DYRK1A: variants seen among roughly 807,000 people sequenced by gnomAD.
DYRK1A encodes the protein dual specificity tyrosine phosphorylation regulated kinase 1A, also known as dual specificity tyrosine-phosphorylation-regulated kinase 1A.
In DYRK1A, 9 loss-of-function variants were observed where a neutral mutation model predicts 79.7. That is an observed-to-expected ratio of 0.11 (90% CI 0.07 to 0.20). The LOEUF is 0.20. Among genes scored for constraint, DYRK1A ranks in the 10% least tolerant of loss-of-function variants. DYRK1A has a pLI of 1.00. For synonymous variants in DYRK1A, 349 were observed against 329.7 expected (o/e 1.06, Z -0.63); for missense variants, 622 against 956.0 (o/e 0.65, Z 4.61).
At chr21:37,419,447 C>T (rs2050421558) in intron 1 of DYRK1A, 1 of 152,162 alleles carries the variant, frequency 6.6e-6, no homozygotes, top group African/African-American at 2.4e-5. Context: ...CCCCAGTGCC[C>T]TTGACCAGGA....
Position 37,506,159 on chromosome 21 carries a change from G to C in DYRK1A, c.1580G>C (p.Arg527Pro). 6.2e-7 allele frequency: 1 copy of C among 1,614,146 alleles called. No homozygotes were observed. Among genetic ancestry groups the C allele is most frequent in the Non-Finnish European group, 8.5e-7 (1 of 1,180,004 alleles). ...RARSDPTHQHRHSGGHFTAAV... is the reference protein window; with the variant it reads ...RARSDPTHQHPHSGGHFTAAV... ...CGGTCGGATCCGACGCACCAGCATC[G>C]GCACAGTGGTGGGCACTTCACAGCT... The change falls in exon 11 of 12, where the codon CGG becomes CCG. Residue 527 changes from arginine (R) to proline (P), a missense_variant. By Grantham distance (103) the Arg-to-Pro change is moderately radical. Coordinates refer to ENST00000647188, the MANE Select transcript of DYRK1A (RefSeq NM_001347721.2).
chr21:37,392,623 C>CTTAA (rs2049891984), intron 1 of DYRK1A, among the ~76,000 whole-genome samples: 2 of 152,214 alleles, frequency 1.3e-5, no homozygotes, highest in Non-Finnish European at 2.9e-5. Context: ...CTTCCTTTAA[C>CTTAA]CTCTTTTACA....
At chr21:37,491,910 A>G (rs969941473) in intron 7 of DYRK1A, among the ~76,000 whole-genome samples, 1 of 152,222 alleles carries the variant, frequency 6.6e-6, no homozygotes, top group African/African-American at 2.4e-5. Context: ...TCACATGGGA[A>G]GTTATTTCTA....
At chr21:37,466,872 A>G (rs1475691252) in intron 2 of DYRK1A, among the ~76,000 whole-genome samples, 1 of 152,258 alleles carries the variant, frequency 6.6e-6, no homozygotes, top group Middle Eastern at 3.4e-3. Context: ...GACCATGAAG[A>G]AAGAGAAGAC....
At chr21:37,391,737 T>C (rs1324018769) in intron 1 of DYRK1A, among the ~76,000 whole-genome samples, 3 of 152,228 alleles carry the variant, frequency 2.0e-5, no homozygotes, top group Non-Finnish European at 4.4e-5. Flanking sequence ...CTAGTTTATC[T>C]TTCCGTTTTC....
Position 37,521,075 on chromosome 21 carries a change from T to C in DYRK1A, c.*8544T>C, listed in dbSNP as rs1158388644. 1 of 152,222 alleles carries C rather than the reference T, an allele frequency of 6.6e-6. No homozygotes were observed. Among genetic ancestry groups the C allele is most frequent in the Non-Finnish European group, 1.5e-5 (1 of 68,052 alleles). 9.4% of individuals were successfully genotyped at this position (152,222 alleles called of 1,614,324 possible). Reference sequence around the variant, plus strand: ...AATGACAGCTACTTAACATCTTCTGTAGTCTTGAAGAATTCAGATGAGGAG... The same window carrying C: ...AATGACAGCTACTTAACATCTTCTGCAGTCTTGAAGAATTCAGATGAGGAG... On this transcript the variant is annotated 3_prime_UTR_variant, in exon 12 of 12. Transcript: ENST00000647188.
chr21:37,381,149 T>C (rs1382389754), intron 1 of DYRK1A, among the ~76,000 whole-genome samples: 3 of 152,232 alleles, frequency 2.0e-5, no homozygotes. Flanking sequence ...TAAACATTTG[T>C]TGAATGAATC....
At chr21:37,502,453 T>A (rs1446156808) in intron 9 of DYRK1A, 1 of 152,200 alleles carries the variant, frequency 6.6e-6, no homozygotes, top group Non-Finnish European at 1.5e-5. Context: ...CCTTTTATAA[T>A]ATGCACGTTT....
Position 37,512,463 on chromosome 21 carries a change from G to A in DYRK1A, c.2197G>A (p.Gly733Arg). The change falls in exon 12 of 12, where the codon GGG (glycine) becomes AGG (arginine). Residue 733 changes from glycine to arginine, a missense_variant. By Grantham distance (125) the Gly-to-Arg change is moderately radical. This residue lies in a region of DYRK1A where 292 missense variants were observed against 316.7 expected (regional missense o/e 0.92). Coordinates refer to ENST00000647188, the MANE Select transcript of DYRK1A (RefSeq NM_001347721.2). ...TGAAGGACATCTGACAATGAGGCAAGGGGCTGATAGAGAAGAGTCCCCCAT... is the reference window on the plus strand; with the variant it reads ...TGAAGGACATCTGACAATGAGGCAAAGGGCTGATAGAGAAGAGTCCCCCAT... ...MTEGHLTMRQGADREESPMTG... is the reference protein window; with the variant it reads ...MTEGHLTMRQRADREESPMTG... 6.2e-7 allele frequency: 1 copy of A among 1,614,244 alleles called. No individual in the cohort carries two copies. The highest frequency in any genetic ancestry group is 8.5e-7 in the Non-Finnish European group (1 of 1,180,052).
At chr21:37,388,935 C>T (rs778889119) in intron 1 of DYRK1A, among the ~76,000 whole-genome samples, 8 of 151,074 alleles carry the variant, frequency 5.3e-5, no homozygotes, top group South Asian at 4.2e-4. Flanking sequence ...TGAGCCACTG[C>T]GCCCAGCCAA....
intron 1 of DYRK1A, among the ~76,000 whole-genome samples, chr21:37,408,175 A>G (rs1024067934): frequency 2.0e-4 from 30 of 152,346 alleles, no homozygotes; most frequent in Non-Finnish European, 4.3e-4. Context: ...GTATGTTTGT[A>G]AGCTCTCTTG....
chr21:37,392,059 C>T (rs148380436), intron 1 of DYRK1A, among the ~76,000 whole-genome samples: 108 of 152,262 alleles, frequency 7.1e-4, no homozygotes, highest in African/African-American at 2.1e-3. Flanking sequence ...GAGTAAATTG[C>T]CCAAGGTTAC....
At chr21:37,467,414 A>G (rs1379988060) in intron 2 of DYRK1A, among the ~76,000 whole-genome samples, 1 of 152,180 alleles carries the variant, frequency 6.6e-6, no homozygotes, top group Non-Finnish European at 1.5e-5. Flanking sequence ...ATTTTTTTGT[A>G]GAGATGGGGT....
intron 1 of DYRK1A, among the ~76,000 whole-genome samples, chr21:37,407,866 A>C (rs552122532): frequency 3.3e-5 from 5 of 152,180 alleles, no homozygotes; most frequent in Admixed American, 3.3e-4. Context: ...ATCTGTCTCT[A>C]TTGCCCAGCT....
chr21:37,469,987 T>TA (rs1251573694), intron 2 of DYRK1A, among the ~76,000 whole-genome samples: 1 of 152,016 alleles, frequency 6.6e-6, no homozygotes, highest in Admixed American at 6.5e-5. Flanking sequence ...CTACTAAAAA[T>TA]ACAAAAAATT....
chr21:37,496,024 A>T, intron 8 of DYRK1A, 94 bp from the exon 9 acceptor site: 1 of 1,214,790 alleles, frequency 8.2e-7, no homozygotes, highest in Non-Finnish European at 1.2e-6. Context: ...GACACACAGG[A>T]GGTGTGCAAT....
At chr21:37,477,896 G>C (rs890490541) in intron 3 of DYRK1A, among the ~76,000 whole-genome samples, 1 of 152,084 alleles carries the variant, frequency 6.6e-6, no homozygotes, top group Non-Finnish European at 1.5e-5. Flanking sequence ...AGCCCTCGTG[G>C]GCAACATCCT....
intron 2 of DYRK1A, among the ~76,000 whole-genome samples, chr21:37,444,845 A>G (rs932311729): frequency 2.6e-5 from 4 of 152,122 alleles, no homozygotes; most frequent in Non-Finnish European, 5.9e-5. Flanking sequence ...GTATAAAGGG[A>G]GAGAGAGCAC....
At chr21:37,488,393 T>C (rs1418089175) in intron 6 of DYRK1A, 1 of 803,162 alleles carries the variant, frequency 1.2e-6, no homozygotes, top group East Asian at 1.3e-4. Flanking sequence ...TAAATTAGTT[T>C]TAAAGTGATT....
Sources: allele counts gnomAD v4.1 joint callset (sites outside exome capture counted in the v4.1 genomes callset), GRCh38; gene constraint gnomAD v4.1.1; regional missense constraint gnomAD v4.1.1; transcripts MANE v1.5; gene names NCBI Gene and HGNC (gene_info 2026-07-23, HGNC 2026-07-21).